RBMS3: variants seen among roughly 807,000 people sequenced by gnomAD.
RBMS3 encodes the protein RNA binding motif single stranded interacting protein 3.
RBMS3 carries 27 observed loss-of-function variants against 66.8 expected under a neutral mutation model. The ratio of observed to expected loss-of-function variants is 0.40; its 90% CI spans 0.30 to 0.56. The LOEUF (loss-of-function observed/expected upper bound fraction) is 0.56. Ranked by LOEUF, RBMS3 falls within the 20% of genes least tolerant of loss-of-function variation. RBMS3 has a pLI of 0.40. For missense variants in RBMS3, 513 were observed against 549.5 expected (o/e 0.93, Z 0.66); for synonymous variants, 188 against 183.0 (o/e 1.03, Z -0.22).
At chr3:29,348,252 A>G (rs980708549) in intron 1 of RBMS3, among the ~76,000 whole-genome samples, 9 of 152,176 alleles carry the variant, frequency 5.9e-5, no homozygotes, top group Non-Finnish European at 8.8e-5. Flanking sequence ...TCCTGACTGC[A>G]TTGTCATTTA....
At chr3:29,611,242 G>C (rs1013693290) in intron 4 of RBMS3, among the ~76,000 whole-genome samples, 1 of 152,014 alleles carries the variant, frequency 6.6e-6, no homozygotes, top group Non-Finnish European at 1.5e-5. Context: ...ATTTAACAAA[G>C]AAGCCCTGTA....
intron 6 of RBMS3, among the ~76,000 whole-genome samples, chr3:29,865,538 A>G (rs1359536103): frequency 6.6e-6 from 1 of 152,214 alleles, no homozygotes; most frequent in East Asian, 1.9e-4. Flanking sequence ...ATTATCAGAG[A>G]AGGTTTTAAG....
At chr3:29,773,543 G>T (rs1029926772) in intron 6 of RBMS3, among the ~76,000 whole-genome samples, 2 of 151,950 alleles carry the variant, frequency 1.3e-5, no homozygotes, top group Admixed American at 6.6e-5. Flanking sequence ...TAGTTGACCC[G>T]CTGAGATGCC....
At chr3:29,621,439 C>T (rs2048860917) in intron 4 of RBMS3, among the ~76,000 whole-genome samples, 1 of 152,114 alleles carries the variant, frequency 6.6e-6, no homozygotes, top group African/African-American at 2.4e-5. Context: ...GAACAAGGGA[C>T]TCCTGACTAT....
At chr3:29,365,652 G>C (rs925443813) in intron 1 of RBMS3, among the ~76,000 whole-genome samples, 1 of 152,118 alleles carries the variant, frequency 6.6e-6, no homozygotes, top group African/African-American at 2.4e-5. Flanking sequence ...AGGTATCTCT[G>C]TTAGTCCTTA....
At chr3:29,470,047 T>G (rs2042669620) in intron 2 of RBMS3, among the ~76,000 whole-genome samples, 1 of 148,348 alleles carries the variant, frequency 6.7e-6, no homozygotes. Flanking sequence ...AAGAATAATA[T>G]ACTGATTATA....
chr3:29,854,106 A>G (rs1224817805), intron 6 of RBMS3, among the ~76,000 whole-genome samples: 1 of 152,150 alleles, frequency 6.6e-6, no homozygotes, highest in East Asian at 1.9e-4. Flanking sequence ...TGGAATAGAA[A>G]CAGAAGTTCT....
chr3:29,656,273 G>GTACATCATTT (rs1274548361), intron 4 of RBMS3, among the ~76,000 whole-genome samples: 2 of 152,134 alleles, frequency 1.3e-5, no homozygotes, highest in African/African-American at 2.4e-5. Flanking sequence ...CTCCATTCAT[G>GTACATCATTT]TACATCATTT....
chr3:29,991,038 C>A, intron 13 of RBMS3, 44 bp from the exon 14 acceptor site: 1 of 1,594,936 alleles, frequency 6.3e-7, no homozygotes. Context: ...GAGGGCCCTT[C>A]ACTGAAGCAA....
rs1008378685 is a variant in RBMS3, at chr3:29,473,431, A to C, written c.249-15010A>C. On this transcript the variant is annotated intron_variant, in intron 2 of 14. Coordinates refer to ENST00000383767, the MANE Select transcript of RBMS3 (RefSeq NM_001003793.3). ...AAGTTCCCACTAGACTCAGGAGCCCAGCTGGCTTCACCCAGTGGATCCCGC... is the reference window on the plus strand; with the variant it reads ...AAGTTCCCACTAGACTCAGGAGCCCCGCTGGCTTCACCCAGTGGATCCCGC... Among the ~76,000 whole-genome samples, 3 of 152,254 alleles carry C rather than the reference A, an allele frequency of 2.0e-5. No individual in the cohort carries two copies. The East Asian group carries it at 5.8e-4, about 29-fold the overall frequency.
intron 4 of RBMS3, among the ~76,000 whole-genome samples, chr3:29,657,862 A>T (rs2050380743): frequency 6.6e-6 from 1 of 152,238 alleles, no homozygotes; most frequent in Non-Finnish European, 1.5e-5. Flanking sequence ...GTTACTTGTC[A>T]CAAGAATTGC....
At chr3:29,362,142 A>G (rs532929752) in intron 1 of RBMS3, among the ~76,000 whole-genome samples, 23 of 152,130 alleles carry the variant, frequency 1.5e-4, no homozygotes, top group Admixed American at 7.9e-4. Context: ...TAGAATTTTC[A>G]GTTTTTCTGT....
At position 29,930,109 on chromosome 3, in the gene RBMS3, C is replaced by CTTTTTTTTTTTTTTT. The variant is rs775548425; in HGVS notation, c.940-5971_940-5957dup. ...TACTTTGTGTCACTTTTCTTTCTTT[C>CTTTTTTTTTTTTTTT]TTTTTTTTTTTTTTTTTTTTGAGAT... On this transcript the variant is annotated intron_variant, in intron 10 of 14. Coordinates refer to ENST00000383767, the MANE Select transcript of RBMS3 (RefSeq NM_001003793.3). Among the ~76,000 whole-genome samples the CTTTTTTTTTTTTTTT allele has an allele frequency of 1.9e-3, 84 of 43,564 alleles. 7 individuals carry two copies. The highest frequency in any genetic ancestry group is 4.0e-3 in the African/African-American group (64 of 15,848). The allele number at this position is 43,564 out of a possible 152,430, so 28.6% of individuals were successfully genotyped here. A position where few individuals can be genotyped will look rare whatever the true frequency, so the allele number is the denominator to read the frequency against.
At chr3:29,622,234 G>A (rs375677731) in intron 4 of RBMS3, among the ~76,000 whole-genome samples, 1 of 152,130 alleles carries the variant, frequency 6.6e-6, no homozygotes, top group African/African-American at 2.4e-5. Flanking sequence ...CTTACATCTG[G>A]GGAAGTGAAG....
intron 4 of RBMS3, among the ~76,000 whole-genome samples, chr3:29,594,450 T>G (rs6775880): frequency 0.15 from 22,613 of 152,170 alleles, 1,932 homozygotes; most frequent in East Asian, 0.32. Flanking sequence ...CATTCTGATG[T>G]TGCTTTTAAC....
intron 6 of RBMS3, among the ~76,000 whole-genome samples, chr3:29,841,191 A>G (rs1167033893): frequency 1.3e-5 from 2 of 151,438 alleles, no homozygotes; most frequent in African/African-American, 4.8e-5. Flanking sequence ...TGGGTTGTGT[A>G]TTTTTATGTA....
In RBMS3 at chr3:29,686,278, G is replaced by T. The variant is rs1412545101; in HGVS notation, c.400-53442G>T. 2.0e-5 allele frequency among the ~76,000 whole-genome samples: 3 copies of T among 152,084 alleles called. No individual in the cohort carries two copies. In the East Asian group the frequency reaches 5.8e-4, roughly 29 times the overall value. The stretch of plus-strand genomic sequence containing the variant: ...CTCAGTAAAAATATGGTCTTCTTGA[G>T]TCCCCCCATTTCAAAATTATTTTAT... On this transcript the variant is annotated intron_variant, in intron 4 of 14. Coordinates refer to ENST00000383767, the MANE Select transcript of RBMS3 (RefSeq NM_001003793.3).
intron 3 of RBMS3, among the ~76,000 whole-genome samples, chr3:29,555,702 CCTAGT>C (rs1462317531): frequency 6.6e-6 from 1 of 152,120 alleles, no homozygotes; most frequent in Non-Finnish European, 1.5e-5. Context: ...CAGTGTTACT[CCTAGT>C]CTAAAGTGGA....
At chr3:29,692,175 T>C (rs1456339926) in intron 4 of RBMS3, among the ~76,000 whole-genome samples, 4 of 151,786 alleles carry the variant, frequency 2.6e-5, no homozygotes, top group Admixed American at 2.6e-4. Flanking sequence ...AGAGATGGGG[T>C]TTCACCATGT....
Sources: allele counts gnomAD v4.1 joint callset (sites outside exome capture counted in the v4.1 genomes callset), GRCh38; gene constraint gnomAD v4.1.1; transcripts MANE v1.5; gene names NCBI Gene and HGNC (gene_info 2026-07-23, HGNC 2026-07-21).